Variants in GPD2 observed in about 807,000 individuals in gnomAD.
The protein encoded by GPD2 is glycerol-3-phosphate dehydrogenase 2.
A neutral mutation model predicts 82.4 loss-of-function variants in GPD2; 54 were observed. The ratio of observed to expected loss-of-function variants is 0.66; its 90% confidence interval spans 0.53 to 0.82. GPD2 has a LOEUF of 0.82. Among genes scored for constraint, GPD2 ranks in the 40% least tolerant of loss-of-function variants. The pLI is 0.00. For missense variants in GPD2, 748 were observed against 896.2 expected (o/e 0.83, Z 2.11); for synonymous variants, 288 against 306.1 (o/e 0.94, Z 0.62).
chr2:156,490,371 C>T (rs1341444592), intron 2 of GPD2, among the ~76,000 whole-genome samples: 1 of 145,688 alleles, frequency 6.9e-6, no homozygotes, highest in African/African-American at 2.5e-5. Context: ...AGTTGCAACA[C>T]TTCCCAGCTT....
intron 2 of GPD2, among the ~76,000 whole-genome samples, chr2:156,479,150 T>C (rs1308507379): frequency 6.6e-6 from 1 of 152,266 alleles, no homozygotes; most frequent in Non-Finnish European, 1.5e-5. Flanking sequence ...CCAGGTCAGC[T>C]CCTGAAAACC....
intron 6 of GPD2, among the ~76,000 whole-genome samples, chr2:156,517,219 A>G (rs1685232248): frequency 6.6e-6 from 1 of 152,096 alleles, no homozygotes; most frequent in Admixed American, 6.5e-5. Context: ...TGGCCTCCCA[A>G]AGTGTTGGGA....
chr2:156,516,002 G>T (rs913585382), intron 6 of GPD2, among the ~76,000 whole-genome samples: 19 of 152,178 alleles, frequency 1.2e-4, no homozygotes, highest in African/African-American at 4.1e-4. Context: ...AGAATTAAAT[G>T]AGTAAATCCA....
chr2:156,436,572 C>G (rs973438231), intron 1 of GPD2, 59 bp downstream of exon 1: 6 of 152,236 alleles, frequency 3.9e-5, no homozygotes, highest in Admixed American at 3.3e-4. Flanking sequence ...GGGGAGTGGT[C>G]CCTTTCTGAC....
chr2:156,530,563 G>C (rs1685812519), intron 6 of GPD2, among the ~76,000 whole-genome samples: 2 of 150,066 alleles, frequency 1.3e-5, no homozygotes, highest in South Asian at 2.1e-4. Context: ...TATTGGCTGT[G>C]GGTTTGTCAT....
chr2:156,564,556 A>C (rs1020984064), intron 9 of GPD2, among the ~76,000 whole-genome samples: 1 of 152,072 alleles, frequency 6.6e-6, no homozygotes. Context: ...CAAGGTCCTG[A>C]GGAGTCATTA....
intron 3 of GPD2, among the ~76,000 whole-genome samples, chr2:156,504,927 C>G (rs540515923): frequency 6.6e-6 from 1 of 152,156 alleles, no homozygotes; most frequent in South Asian, 2.1e-4. Context: ...GTGGTTATCT[C>G]TGAGTGGTGT....
chr2:156,496,104 C>G lies in GPD2; in HGVS notation c.163C>G (p.Pro55Ala). The G allele has an allele frequency of 6.2e-7, 1 of 1,612,566 alleles. No individual in the cohort carries two copies. The highest frequency in any genetic ancestry group is 8.5e-7 in the Non-Finnish European group (1 of 1,178,650). ...TTCAGAACCAGTTAACAGGGAGCCT[C>G]CTTCCAGAGAAGCTCAGCTACTGAC... ...CISEPVNREP[P>A]SREAQLLTLQ... is the part of the protein sequence containing the mutation. Residue 55 changes from proline to alanine, a missense_variant, in exon 3 of 17, where the codon CCT (proline) becomes GCT (alanine). Pro to Ala is a conservative substitution (Grantham distance 27). Transcript: ENST00000438166.
At chr2:156,576,920 A>G (rs1054459493) in intron 13 of GPD2, among the ~76,000 whole-genome samples, 3 of 152,164 alleles carry the variant, frequency 2.0e-5, no homozygotes, top group Non-Finnish European at 4.4e-5. Context: ...AAATAATTTT[A>G]TTTATGACCA....
chr2:156,518,069 A>C (rs940704048), intron 6 of GPD2, among the ~76,000 whole-genome samples: 1 of 152,220 alleles, frequency 6.6e-6, no homozygotes, highest in African/African-American at 2.4e-5. Context: ...TCCTAATGTA[A>C]ATAAAAGTTG....
the GPD2 span, among the ~76,000 whole-genome samples, chr2:156,404,539 T>C: frequency 6.6e-6 from 1 of 151,860 alleles, no homozygotes; most frequent in African/African-American, 2.4e-5. Context: ...CTAATAATAT[T>C]AAAGTTTAAG....
At chr2:156,529,840 A>G (rs1481526381) in intron 6 of GPD2, among the ~76,000 whole-genome samples, 1 of 152,086 alleles carries the variant, frequency 6.6e-6, no homozygotes, top group East Asian at 1.9e-4. Flanking sequence ...TGGTTACTGT[A>G]GCCTTGTAGT....
chr2:156,450,046 C>G (rs1348490103), intron 1 of GPD2, among the ~76,000 whole-genome samples: 3 of 151,794 alleles, frequency 2.0e-5, no homozygotes, highest in Non-Finnish European at 4.4e-5. Context: ...TGGATAGATT[C>G]AGGATATATT....
intron 6 of GPD2, among the ~76,000 whole-genome samples, chr2:156,526,197 G>A (rs909524121): frequency 9.9e-5 from 15 of 152,078 alleles, no homozygotes; most frequent in African/African-American, 3.1e-4. Flanking sequence ...TGCTCATACA[G>A]CCTTAGCCAT....
intron 2 of GPD2, 36 bp downstream of exon 2, chr2:156,476,243 A>T (rs1683508168): frequency 9.1e-7 from 1 of 1,099,144 alleles, no homozygotes; most frequent in African/African-American, 1.5e-5. Context: ...ACAGTATGCA[A>T]CTTAAATCTG....
intron 6 of GPD2, among the ~76,000 whole-genome samples, chr2:156,530,379 G>T (rs905635046): frequency 3.4e-5 from 5 of 147,960 alleles, no homozygotes; most frequent in Non-Finnish European, 7.5e-5. Flanking sequence ...TCTGCAAACA[G>T]GGACAATTTG....
chr2:156,531,841 G>C (rs556977475), intron 6 of GPD2, among the ~76,000 whole-genome samples: 41 of 152,256 alleles, frequency 2.7e-4, no homozygotes, highest in South Asian at 8.3e-4. Context: ...AGGGCCACAG[G>C]TTCCAGCAAT....
At chr2:156,531,098 C>T (rs563076478) in intron 6 of GPD2, among the ~76,000 whole-genome samples, 2 of 152,034 alleles carry the variant, frequency 1.3e-5, no homozygotes, top group East Asian at 1.9e-4. Flanking sequence ...TATCTAGATG[C>T]GATTAAACAC....
At chr2:156,475,512 G>A (rs186411587) in intron 1 of GPD2, among the ~76,000 whole-genome samples, 10 of 152,228 alleles carry the variant, frequency 6.6e-5, no homozygotes, top group Admixed American at 5.2e-4. Context: ...GGGATTACAA[G>A]TGTGAGCCAC....
Sources: gnomAD v4.1 joint callset for allele counts (sites outside exome capture counted in the v4.1 genomes callset) on GRCh38, gnomAD v4.1.1 for gene constraint, MANE v1.5 for transcripts, NCBI Gene and HGNC (gene_info 2026-07-23, HGNC 2026-07-21) for gene names.